UCHL5: variants seen among roughly 807,000 people sequenced by gnomAD.
UCHL5 encodes the protein ubiquitin C-terminal hydrolase L5, also known as ubiquitin carboxyl-terminal hydrolase isozyme L5.
In UCHL5, 34 loss-of-function variants were observed where a neutral mutation model predicts 53.8. The observed-to-expected ratio is 0.63, with a 90% CI of 0.48 to 0.84. The LOEUF (loss-of-function observed/expected upper bound fraction) is 0.84. UCHL5 is among the 40% of genes least tolerant of loss of function. The pLI is 0.00. For synonymous variants in UCHL5, 111 were observed against 126.3 expected (o/e 0.88, Z 0.81); for missense variants, 290 against 385.6 (o/e 0.75, Z 2.08).
At chr1:193,044,554 C>T (rs564758885) in intron 3 of UCHL5, among the ~76,000 whole-genome samples, 3 of 152,146 alleles carry the variant, frequency 2.0e-5, no homozygotes, top group Non-Finnish European at 2.9e-5. Flanking sequence ...GACACACACA[C>T]ACACGCAACC....
At chr1:193,018,431 T>C in intron 10 of UCHL5, 1 of 680,080 alleles carries the variant, frequency 1.5e-6, no homozygotes, top group East Asian at 1.2e-4. Flanking sequence ...AATTTTATTT[T>C]ATATTTTAAG....
intron 7 of UCHL5, 181 bp downstream of exon 7, chr1:193,027,904 C>T (rs1415297842): frequency 8.1e-6 from 12 of 1,479,304 alleles, no homozygotes; most frequent in Non-Finnish European, 8.1e-6. Context: ...AGGCGGATGG[C>T]TTGAGCTCAG....
chr1:193,036,525 T>C (rs1432242153), intron 3 of UCHL5, among the ~76,000 whole-genome samples: 3 of 151,954 alleles, frequency 2.0e-5, no homozygotes, highest in East Asian at 3.8e-4. Flanking sequence ...CAAGTGTTTA[T>C]AGATCTAAAG....
At chr1:193,046,671 AATAT>A (rs1232052825) in intron 3 of UCHL5, among the ~76,000 whole-genome samples, 3 of 147,594 alleles carry the variant, frequency 2.0e-5, no homozygotes, top group Non-Finnish European at 3.0e-5. Flanking sequence ...ATATTTATAG[AATAT>A]ATAAATAATT....
intron 2 of UCHL5, among the ~76,000 whole-genome samples, chr1:193,051,264 G>C (rs1668946581): frequency 6.6e-6 from 1 of 152,036 alleles, no homozygotes; most frequent in Admixed American, 6.5e-5. Context: ...TCAGAAAGAT[G>C]GGGGAAGGAG....
At position 193,014,280 on chromosome 1, in the gene UCHL5, G is replaced by T. The variant is rs1370984689; in HGVS notation, c.*2071C>A. On this transcript the variant is annotated 3_prime_UTR_variant, in exon 11 of 11. Transcript: ENST00000367454. Reference sequence around the variant, plus strand: ...AATCATGAAGTATCACAAGGGATTTGCAATCACCAAAGAAGATGCAGATAA... The same window carrying T: ...AATCATGAAGTATCACAAGGGATTTTCAATCACCAAAGAAGATGCAGATAA... The T allele has an allele frequency of 6.6e-6, 1 of 151,966 alleles. No homozygotes were observed. Among genetic ancestry groups the T allele is most frequent in the Non-Finnish European group, 1.5e-5 (1 of 67,980 alleles). 9.4% of individuals were successfully genotyped at this position (151,966 alleles called of 1,614,324 possible).
intron 7 of UCHL5, among the ~76,000 whole-genome samples, chr1:193,027,008 G>T (rs1012100800): frequency 6.6e-6 from 1 of 152,190 alleles, no homozygotes; most frequent in South Asian, 2.1e-4. Flanking sequence ...GCTACATATT[G>T]TAAAATTCAT....
chr1:193,034,480 A>T (rs952053942), intron 3 of UCHL5, among the ~76,000 whole-genome samples: 1 of 152,094 alleles, frequency 6.6e-6, no homozygotes, highest in Non-Finnish European at 1.5e-5. Flanking sequence ...AGAAAATACC[A>T]GGCCTACATG....
chr1:193,049,890 C>T (rs1325130004), intron 2 of UCHL5, 39 bp from the exon 3 acceptor site: 2 of 1,516,306 alleles, frequency 1.3e-6, no homozygotes, highest in Non-Finnish European at 1.8e-6. Context: ...TCAAACCCTG[C>T]TTCTTTCATA....
chr1:193,013,499 T>A lies in UCHL5; in HGVS notation c.*2852A>T, dbSNP rs999964543. 23 of 152,162 alleles carry A rather than the reference T, an allele frequency of 1.5e-4. No individual in the cohort carries two copies. The highest frequency in any genetic ancestry group is 5.5e-4 in the African/African-American group (23 of 41,544). 9.4% of individuals were successfully genotyped at this position (152,162 alleles called of 1,614,324 possible). A position where few individuals can be genotyped will look rare whatever the true frequency, so the allele number is the denominator to read the frequency against. ...CAAGCAAGACTAACACACAAAAACATATGTGTACACATGAGGAAAAAGGAT... is the reference window on the plus strand; with the variant it reads ...CAAGCAAGACTAACACACAAAAACAAATGTGTACACATGAGGAAAAAGGAT... On this transcript the variant is annotated 3_prime_UTR_variant, in exon 11 of 11. Coordinates refer to ENST00000367454, the MANE Select transcript of UCHL5 (RefSeq NM_001199261.3).
At chr1:193,033,768 A>C (rs1335861257) in intron 3 of UCHL5, among the ~76,000 whole-genome samples, 4 of 152,192 alleles carry the variant, frequency 2.6e-5, no homozygotes, top group Admixed American at 2.6e-4. Context: ...AAAGGAAAAA[A>C]TCATTTTATA....
intron 3 of UCHL5, among the ~76,000 whole-genome samples, chr1:193,034,694 A>G (rs1662729742): frequency 6.6e-6 from 1 of 152,088 alleles, no homozygotes. Flanking sequence ...AAAAACCTAA[A>G]CAAAATACTA....
At chr1:193,024,666 C>T (rs940091675) in intron 7 of UCHL5, among the ~76,000 whole-genome samples, 2 of 150,690 alleles carry the variant, frequency 1.3e-5, no homozygotes, top group African/African-American at 4.9e-5. Flanking sequence ...ATTTTCACTA[C>T]TCTGATATCA....
chr1:193,013,762 A>C lies in UCHL5; in HGVS notation c.*2589T>G, dbSNP rs187185771. 24 of 152,272 alleles carry C rather than the reference A, an allele frequency of 1.6e-4. No individual in the cohort carries two copies. Among genetic ancestry groups the C allele is most frequent in the African/African-American group, 5.1e-4 (21 of 41,556 alleles). The allele number at this position is 152,272 out of a possible 1,614,324, so 9.4% of individuals were successfully genotyped here. A position where few individuals can be genotyped will look rare whatever the true frequency, so the allele number is the denominator to read the frequency against. On this transcript the variant is annotated 3_prime_UTR_variant, in exon 11 of 11. Transcript: ENST00000367454. The stretch of plus-strand genomic sequence containing the variant: ...AATTGAAAGTATTAATCTGCATGTA[A>C]CACCATAATATACACACAAATATGT...
At chr1:193,036,305 G>T (rs1470598723) in intron 3 of UCHL5, among the ~76,000 whole-genome samples, 1 of 109,834 alleles carries the variant, frequency 9.1e-6, no homozygotes, top group Non-Finnish European at 1.8e-5. Flanking sequence ...GATATTCTGT[G>T]CAACTGGAAA....
At position 193,059,305 on chromosome 1, in the gene UCHL5, G is replaced by GC. The variant is rs747246674; in HGVS notation, c.-46dup. 7 of 1,610,014 alleles carry GC rather than the reference G, an allele frequency of 4.3e-6. No individual in the cohort carries two copies. Among genetic ancestry groups the GC allele is most frequent in the East Asian group, 2.2e-5 (1 of 44,784 alleles). On this transcript the variant is annotated 5_prime_UTR_variant, in exon 1 of 11. Transcript: ENST00000367454. This position sits in a 1 kb window ranked among gnomAD's most constrained non-coding sequence, Gnocchi z 4.9. ...CCCGATCCACCTCTCGCTCTCAGCT[G>GC]CCCCCCGCACCAGCTGCCGCCGGCC...
intron 7 of UCHL5, among the ~76,000 whole-genome samples, chr1:193,026,145 A>T (rs1659143521): frequency 6.6e-6 from 1 of 152,120 alleles, no homozygotes; most frequent in Admixed American, 6.6e-5. Context: ...TACAAAAATT[A>T]ACTCAAAATA....
intron 7 of UCHL5, 67 bp from the exon 8 acceptor site, chr1:193,024,013 C>G (rs1040100266): frequency 9.0e-7 from 1 of 1,107,694 alleles, no homozygotes; most frequent in African/African-American, 1.6e-5. Flanking sequence ...TTAAGATAAT[C>G]CATCGTGATT....
rs1317218910 is a variant in UCHL5 at position 193,059,069 on chromosome 1, G to C, written c.76+116C>G. On this transcript the variant is annotated intron_variant, in intron 1 of 10. Transcript: ENST00000367454. The surrounding 1 kb of genome is among the most constrained non-coding windows in gnomAD (Gnocchi z 4.9). The stretch of plus-strand genomic sequence containing the variant: ...TACATTTCCCCCACCCGGACTCCAG[G>C]TTCCTGAAGTCACCTCTCCAGACGC... The C allele has an allele frequency of 1.8e-6, 2 of 1,087,114 alleles. No individual in the cohort carries two copies. Among genetic ancestry groups the C allele is most frequent in the Non-Finnish European group, 2.6e-6 (2 of 775,520 alleles). The allele number at this position is 1,087,114 out of a possible 1,614,324, so 67.3% of individuals were successfully genotyped here. A position where few individuals can be genotyped will look rare whatever the true frequency, so the allele number is the denominator to read the frequency against.
Sources: gnomAD v4.1 joint callset for allele counts (sites outside exome capture counted in the v4.1 genomes callset) on GRCh38, gnomAD v4.1.1 for gene constraint, Gnocchi (gnomAD v3.1) non-coding constraint, MANE v1.5 for transcripts, NCBI Gene and HGNC (gene_info 2026-07-23, HGNC 2026-07-21) for gene names.